The following PHF20 variants were observed in gnomAD, a reference collection of about 807,000 sequenced individuals.
The protein encoded by PHF20 is glioma-expressed antigen 2.
A neutral mutation model predicts 113.5 loss-of-function variants in PHF20; 23 were observed. That is an observed-to-expected ratio of 0.20 (90% CI 0.15 to 0.29). The LOEUF is 0.29. Ranked by LOEUF, PHF20 falls within the 10% of genes least tolerant of loss-of-function variation. The pLI, the probability that PHF20 is intolerant of heterozygous loss-of-function variation, is 1.00. For synonymous variants in PHF20, 434 were observed against 457.3 expected, an observed-to-expected ratio of 0.95 and a Z score of 0.65; for missense variants, 943 against 1,219.6, an observed-to-expected ratio of 0.77 and a Z score of 3.38.
chr20:35,809,226 C>T (rs1029101998), intron 2 of PHF20, among the ~76,000 whole-genome samples: 51 of 151,018 alleles, frequency 3.4e-4, no homozygotes, highest in African/African-American at 1.1e-3. Context: ...CCAGCCTGGG[C>T]GACAGAGCAA....
At chr20:35,819,525 A>G (rs2146898458) in intron 2 of PHF20, among the ~76,000 whole-genome samples, 1 of 152,252 alleles carries the variant, frequency 6.6e-6, no homozygotes, top group South Asian at 2.1e-4. Context: ...TTTCTTGTAC[A>G]GAAGATTTAA....
chr20:35,915,771 A>G (rs1029748508), intron 12 of PHF20, among the ~76,000 whole-genome samples: 2 of 152,162 alleles, frequency 1.3e-5, no homozygotes, highest in African/African-American at 4.8e-5. Context: ...TGTTCATTAG[A>G]TCAATCTTGT....
chr20:35,881,883 C>T (rs1337367446), intron 9 of PHF20, among the ~76,000 whole-genome samples: 2 of 152,242 alleles, frequency 1.3e-5, no homozygotes, highest in African/African-American at 2.4e-5. Flanking sequence ...CTTCTTCTGG[C>T]CACCTGTTGC....
chr20:35,890,586 A>G (rs1280115764), intron 9 of PHF20, among the ~76,000 whole-genome samples: 1 of 152,198 alleles, frequency 6.6e-6, no homozygotes, highest in Non-Finnish European at 1.5e-5. Flanking sequence ...TGCTGTTAAT[A>G]CTGGGTTTTG....
intron 12 of PHF20, among the ~76,000 whole-genome samples, chr20:35,914,997 TATATAC>T (rs1257282426): frequency 1.4e-5 from 2 of 147,076 alleles, no homozygotes; most frequent in African/African-American, 5.0e-5. Context: ...ATATGTTATA[TATATAC>T]ATATACATAT....
rs956645134 is a variant in PHF20, at chr20:35,947,480, G to A, written c.2897-5G>A. On this transcript the variant is annotated splice_polypyrimidine_tract_variant and splice_region_variant and intron_variant, in intron 17 of 17. Transcript: ENST00000374012. ...CTAGGTCTCATCTCTCTCTTCTGCC[G>A]ACAGTGTTGGAGAGCTGGCTGGACT... 17 of 1,613,400 alleles carry A rather than the reference G, an allele frequency of 1.1e-5. No individual in the cohort carries two copies. The highest frequency in any genetic ancestry group is 9.3e-5 in the African/African-American group (7 of 74,892).
chr20:35,927,854 C>A lies in PHF20; in HGVS notation c.2079C>A (p.Thr693=). 6.2e-7 allele frequency: 1 copy of A among 1,613,572 alleles called. No individual in the cohort carries two copies. The highest frequency in any genetic ancestry group is 2.2e-5 in the East Asian group (1 of 44,886). Residue 693 remains threonine (T), a synonymous_variant, in exon 14 of 18, where the codon ACC becomes ACA. Transcript: ENST00000374012. Reference sequence around the variant, plus strand: ...AAGAAAATGTGCCCGAGAAATACACCTGTTATGTTTGCCAAGACCCTCCAG... The same window carrying A: ...AAGAAAATGTGCCCGAGAAATACACATGTTATGTTTGCCAAGACCCTCCAG... ...LLEENVPEKY[T]CYVCQDPPGQ... is the part of the protein sequence containing the mutation.
At chr20:35,802,363 T>TA (rs1446701808) in intron 2 of PHF20, among the ~76,000 whole-genome samples, 3 of 151,778 alleles carry the variant, frequency 2.0e-5, no homozygotes, top group South Asian at 2.1e-4. Context: ...TTTTTTTTTT[T>TA]AGACAGAGAT....
intron 9 of PHF20, among the ~76,000 whole-genome samples, chr20:35,877,719 C>T (rs1010735622): frequency 6.6e-6 from 1 of 151,972 alleles, no homozygotes; most frequent in African/African-American, 2.4e-5. Flanking sequence ...TCTAAGCTGT[C>T]TCATTGGTTG....
chr20:35,846,303 C>G (rs140686037), intron 3 of PHF20, among the ~76,000 whole-genome samples: 2 of 151,794 alleles, frequency 1.3e-5, no homozygotes, highest in East Asian at 1.9e-4. Context: ...CCTCAGCCAT[C>G]GAGAAGCTGG....
intron 1 of PHF20, among the ~76,000 whole-genome samples, chr20:35,786,579 G>A (rs1381267087): frequency 6.6e-6 from 1 of 152,036 alleles, no homozygotes; most frequent in Admixed American, 6.6e-5. Flanking sequence ...GTGCACGCCT[G>A]TAGTTTCAAC....
intron 4 of PHF20, chr20:35,855,204 A>G: frequency 8.0e-7 from 1 of 1,257,624 alleles, no homozygotes; most frequent in Non-Finnish European, 1.0e-6. Context: ...TTCTGTTTAG[A>G]ATTCCATAGC....
chr20:35,825,888 G>A (rs1365233394), intron 2 of PHF20, among the ~76,000 whole-genome samples: 2 of 152,054 alleles, frequency 1.3e-5, no homozygotes, highest in African/African-American at 4.8e-5. Flanking sequence ...AACCCTAAAT[G>A]TGTAGCTTGA....
intron 10 of PHF20, among the ~76,000 whole-genome samples, chr20:35,902,510 C>T (rs1568736554): frequency 1.3e-5 from 2 of 152,302 alleles, no homozygotes; most frequent in East Asian, 3.9e-4. Context: ...GTGCCTCTGC[C>T]TCTCCCTGTT....
chr20:35,901,341 G>A (rs2055092465), intron 10 of PHF20, among the ~76,000 whole-genome samples: 2 of 150,668 alleles, frequency 1.3e-5, no homozygotes, highest in African/African-American at 4.9e-5. Flanking sequence ...CTTGAACCTA[G>A]GAAACAGAGG....
At chr20:35,919,588 A>G (rs1181092308) in intron 13 of PHF20, among the ~76,000 whole-genome samples, 5 of 152,048 alleles carry the variant, frequency 3.3e-5, no homozygotes. Context: ...TCTGCATGGC[A>G]TGGATTTTTG....
At chr20:35,931,729 G>A (rs567648905) in intron 15 of PHF20, among the ~76,000 whole-genome samples, 8 of 152,208 alleles carry the variant, frequency 5.3e-5, no homozygotes, top group African/African-American at 1.4e-4. Context: ...GAGGTAGGCG[G>A]ATCATGAGGT....
chr20:35,828,736 T>C (rs527657737), intron 2 of PHF20, among the ~76,000 whole-genome samples: 1 of 152,316 alleles, frequency 6.6e-6, no homozygotes, highest in South Asian at 2.1e-4. Flanking sequence ...GGTGGAGCCC[T>C]AGGACATGTT....
chr20:35,837,023 GTA>G (rs1207064129), intron 2 of PHF20, among the ~76,000 whole-genome samples: 2 of 151,044 alleles, frequency 1.3e-5, no homozygotes, highest in Admixed American at 6.6e-5. Context: ...TACCAAAAAA[GTA>G]TCTTAGCCGA....
Sources: gnomAD v4.1 joint callset for allele counts (sites outside exome capture counted in the v4.1 genomes callset) on GRCh38, gnomAD v4.1.1 for gene constraint, MANE v1.5 for transcripts, NCBI Gene and HGNC (gene_info 2026-07-23, HGNC 2026-07-21) for gene names.